The following ERBB4 variants were observed in gnomAD, a reference collection of about 807,000 sequenced individuals.
ERBB4 encodes receptor tyrosine-protein kinase erbB-4.
In ERBB4, 42 loss-of-function variants were observed where a neutral mutation model predicts 158.0. That is an observed-to-expected ratio of 0.27 (90% CI 0.21 to 0.34). The LOEUF (loss-of-function observed/expected upper bound fraction) is 0.34, where lower values mean the gene tolerates loss of function less well. Ranked by LOEUF, ERBB4 falls within the 10% of genes least tolerant of loss-of-function variation. ERBB4 has a pLI of 1.00. For missense variants in ERBB4, 1,333 were observed against 1,624.1 expected (o/e 0.82, Z 3.08); for synonymous variants, 583 against 558.7 (o/e 1.04, Z -0.61).
At chr2:211,927,372 C>A (rs968897412) in intron 3 of ERBB4, among the ~76,000 whole-genome samples, 3 of 152,084 alleles carry the variant, frequency 2.0e-5, no homozygotes, top group African/African-American at 7.2e-5. Flanking sequence ...ATATTCTGTC[C>A]AGTTACAAAA....
intron 1 of ERBB4, among the ~76,000 whole-genome samples, chr2:212,388,929 A>G (rs192675545): frequency 2.6e-5 from 4 of 152,274 alleles, no homozygotes; most frequent in Non-Finnish European, 5.9e-5. Context: ...ACCAACCTAA[A>G]TAACTGAACA....
chr2:211,682,732 A>G (rs1215990096), intron 12 of ERBB4, among the ~76,000 whole-genome samples: 1 of 152,018 alleles, frequency 6.6e-6, no homozygotes, highest in Non-Finnish European at 1.5e-5. Context: ...GTATTTTTCC[A>G]TAATTTTACT....
chr2:211,398,417 G>A (rs539614140), intron 25 of ERBB4, among the ~76,000 whole-genome samples: 152 of 152,194 alleles, frequency 1.0e-3, no homozygotes, highest in Non-Finnish European at 1.6e-3. Flanking sequence ...AGGAAAACAG[G>A]CACTTATGAA....
chr2:212,398,710 T>G (rs746006999), intron 1 of ERBB4, among the ~76,000 whole-genome samples: 37 of 152,144 alleles, frequency 2.4e-4, no homozygotes, highest in South Asian at 1.2e-3. Flanking sequence ...AGGATAATTT[T>G]ACATGCCTCT....
At chr2:211,880,441 G>A (rs936984693) in intron 3 of ERBB4, among the ~76,000 whole-genome samples, 7 of 151,854 alleles carry the variant, frequency 4.6e-5, no homozygotes, top group African/African-American at 4.8e-5. Flanking sequence ...TCCCTCATGC[G>A]CATACACAGT....
chr2:212,173,787 C>A (rs2081586194), intron 1 of ERBB4, among the ~76,000 whole-genome samples: 1 of 152,092 alleles, frequency 6.6e-6, no homozygotes, highest in Non-Finnish European at 1.5e-5. Context: ...ATAGAGAGAA[C>A]AATGTCGTTT....
intron 20 of ERBB4, among the ~76,000 whole-genome samples, chr2:211,449,931 AATG>A (rs1337049464): frequency 6.6e-6 from 1 of 152,226 alleles, no homozygotes; most frequent in Non-Finnish European, 1.5e-5. Flanking sequence ...TAACTTATAT[AATG>A]AACACTCATC....
chr2:212,184,545 C>CACTT (rs2081962021), intron 1 of ERBB4, among the ~76,000 whole-genome samples: 1 of 152,046 alleles, frequency 6.6e-6, no homozygotes, highest in South Asian at 2.1e-4. Context: ...TACAGTCAAA[C>CACTT]ACTTACATCT....
chr2:212,537,853 C>G (rs1418767683), intron 1 of ERBB4, among the ~76,000 whole-genome samples: 1 of 152,142 alleles, frequency 6.6e-6, no homozygotes, highest in Non-Finnish European at 1.5e-5. Context: ...CTCCGGGCCC[C>G]GGACCGAGGC....
At chr2:211,919,263 A>G (rs906433284) in intron 3 of ERBB4, among the ~76,000 whole-genome samples, 1 of 152,024 alleles carries the variant, frequency 6.6e-6, no homozygotes, top group Non-Finnish European at 1.5e-5. Context: ...CTCCTTCCAA[A>G]TGGGGAAAAA....
intron 20 of ERBB4, among the ~76,000 whole-genome samples, chr2:211,454,728 ATTGATGTT>A (rs1483822255): frequency 6.6e-6 from 1 of 152,190 alleles, no homozygotes; most frequent in East Asian, 1.9e-4. Flanking sequence ...GATGATTGTA[ATTGATGTT>A]ATTTAGTGTC....
At chr2:212,212,561 A>G (rs115218458) in intron 1 of ERBB4, among the ~76,000 whole-genome samples, 84,143 of 151,478 alleles carry the variant, frequency 0.56, 23,583 homozygotes, top group East Asian at 0.77. Context: ...TAAAAAAAAA[A>G]AAGGACTTTA....
At chr2:211,858,717 A>G (rs1478537698) in intron 3 of ERBB4, among the ~76,000 whole-genome samples, 1 of 152,212 alleles carries the variant, frequency 6.6e-6, no homozygotes, top group Non-Finnish European at 1.5e-5. Flanking sequence ...ATAGAAATAT[A>G]CTTTCCATTA....
intron 1 of ERBB4, among the ~76,000 whole-genome samples, chr2:212,419,211 T>G (rs2091734035): frequency 6.6e-6 from 1 of 151,802 alleles, no homozygotes; most frequent in Non-Finnish European, 1.5e-5. Context: ...AAATTAGTGT[T>G]TTTCAGACCA....
chr2:212,268,073 T>A lies in ERBB4; in HGVS notation c.83-143170A>T, dbSNP rs571445699. Among the ~76,000 whole-genome samples, 90 of 151,968 alleles carry A rather than the reference T, an allele frequency of 5.9e-4. 1 individual carries two copies. The highest frequency in any genetic ancestry group is 2.9e-3 in the East Asian group (15 of 5,138). On this transcript the variant is annotated intron_variant, in intron 1 of 27. Transcript: ENST00000342788. ...CACTATATCAAATGCCTGATGCAAT[T>A]TCTAGTTAGCATTCTCTAGAAGAAG...
At chr2:212,263,456 T>A (rs2085017029) in intron 1 of ERBB4, among the ~76,000 whole-genome samples, 1 of 152,150 alleles carries the variant, frequency 6.6e-6, no homozygotes, top group Non-Finnish European at 1.5e-5. Flanking sequence ...GGATTCCTCT[T>A]GGATTACAGC....
chr2:211,963,844 A>G (rs2081246262), intron 2 of ERBB4, among the ~76,000 whole-genome samples: 1 of 152,186 alleles, frequency 6.6e-6, no homozygotes, highest in African/African-American at 2.4e-5. Flanking sequence ...AATCTCTGAG[A>G]AAGTATCTTT....
At chr2:211,733,935 G>T (rs1462570448) in intron 5 of ERBB4, among the ~76,000 whole-genome samples, 1 of 151,856 alleles carries the variant, frequency 6.6e-6, no homozygotes, top group Non-Finnish European at 1.5e-5. Context: ...ACAAAAATTA[G>T]CCAGGCAGAG....
intron 25 of ERBB4, among the ~76,000 whole-genome samples, chr2:211,395,949 A>G (rs2062906667): frequency 6.6e-6 from 1 of 152,004 alleles, no homozygotes. Flanking sequence ...GCAATAAGAT[A>G]CTGTTTAGGG....
Sources: allele counts gnomAD v4.1 joint callset (sites outside exome capture counted in the v4.1 genomes callset), GRCh38; gene constraint gnomAD v4.1.1; transcripts MANE v1.5; gene names NCBI Gene and HGNC (gene_info 2026-07-23, HGNC 2026-07-21).